The following CABLES1 variants were observed in gnomAD, a reference collection of about 807,000 sequenced individuals.
CABLES1 encodes the protein Cdk5 and Abl enzyme substrate 1, also known as CDK5 and ABL1 enzyme substrate 1.
CABLES1 carries 36 observed loss-of-function variants against 57.8 expected under a neutral mutation model. The observed-to-expected ratio is 0.62, with a 90% CI of 0.48 to 0.82. The LOEUF (loss-of-function observed/expected upper bound fraction) is 0.82. Ranked by LOEUF, CABLES1 falls within the 40% of genes least tolerant of loss-of-function variation. The pLI is 0.00. For missense variants in CABLES1, 767 were observed against 836.6 expected, an observed-to-expected ratio of 0.92 and a Z score of 1.03; for synonymous variants, 374 against 363.0, an observed-to-expected ratio of 1.03 and a Z score of -0.35.
chr18:23,206,458 C>A (rs1182544102), intron 3 of CABLES1, among the ~76,000 whole-genome samples: 1 of 152,242 alleles, frequency 6.6e-6, no homozygotes, highest in Non-Finnish European at 1.5e-5. Flanking sequence ...GTTGTGCTGG[C>A]ATTTAAGGCC....
Position 23,184,781 on chromosome 18 carries a change from G to A in CABLES1, c.846-4057G>A, listed in dbSNP as rs897175241. Among the ~76,000 whole-genome samples, 4 of 152,194 alleles carry A rather than the reference G, an allele frequency of 2.6e-5. No homozygotes were observed. The East Asian group carries it at 5.8e-4, about 22-fold the overall frequency. On this transcript the variant is annotated intron_variant, in intron 1 of 9. Transcript: ENST00000256925. ...AGGCTAGGTCACTATCTGGGTGCGA[G>A]CATGGTTGGGGTCAGATGAGGGCTC...
chr18:23,223,931 T>G (rs1458272890), intron 4 of CABLES1, among the ~76,000 whole-genome samples: 1 of 151,848 alleles, frequency 6.6e-6, no homozygotes, highest in East Asian at 1.9e-4. Flanking sequence ...TTACCAGGGA[T>G]AGATTGCACG....
At position 23,218,026 on chromosome 18, in the gene CABLES1, TG is replaced by T. The variant is rs542099195; in HGVS notation, c.1088+3975del. Among the ~76,000 whole-genome samples the T allele has an allele frequency of 1.5e-3, 222 of 152,334 alleles. 1 individual carries two copies. The highest frequency in any genetic ancestry group is 4.9e-3 in the African/African-American group (205 of 41,582). ...ACTCATGCACATGGACCCAGCCACA[TG>T]GGCCTGATTATTCCAAACAAGCACA... On this transcript the variant is annotated intron_variant, in intron 4 of 9. Coordinates refer to ENST00000256925, the MANE Select transcript of CABLES1 (RefSeq NM_001100619.3).
At chr18:23,229,409 T>C (rs561856208) in intron 4 of CABLES1, among the ~76,000 whole-genome samples, 112 of 151,372 alleles carry the variant, frequency 7.4e-4, no homozygotes, top group African/African-American at 2.5e-3. Context: ...TAAAACTCCA[T>C]CTCAAAAATT....
chr18:23,172,335 A>C (rs1335392151), intron 1 of CABLES1, among the ~76,000 whole-genome samples: 2 of 152,100 alleles, frequency 1.3e-5, no homozygotes, highest in African/African-American at 4.8e-5. Flanking sequence ...GTGGATTCTA[A>C]TCTTTTCTTG....
At chr18:23,196,691 CAGAG>C (rs2047285429) in intron 3 of CABLES1, among the ~76,000 whole-genome samples, 1 of 152,174 alleles carries the variant, frequency 6.6e-6, no homozygotes, top group African/African-American at 2.4e-5. Flanking sequence ...GTCATGGTCT[CAGAG>C]GGAGGGACCC....
At chr18:23,220,608 G>A (rs2047480176) in intron 4 of CABLES1, among the ~76,000 whole-genome samples, 1 of 152,136 alleles carries the variant, frequency 6.6e-6, no homozygotes, top group Non-Finnish European at 1.5e-5. Flanking sequence ...TGCTGGCTCG[G>A]GACCAGTACA....
At chr18:23,154,751 A>G (rs1461254302) in intron 1 of CABLES1, among the ~76,000 whole-genome samples, 1 of 152,202 alleles carries the variant, frequency 6.6e-6, no homozygotes, top group Non-Finnish European at 1.5e-5. Context: ...ACGGAAGCCC[A>G]TCCTCTCCCA....
At chr18:23,213,744 A>G (rs376427144) in intron 3 of CABLES1, among the ~76,000 whole-genome samples, 7 of 152,270 alleles carry the variant, frequency 4.6e-5, no homozygotes, top group African/African-American at 1.7e-4. Flanking sequence ...CTCATTAGTG[A>G]CCCTTGCTGG....
At chr18:23,253,971 C>T (rs1053910923) in intron 9 of CABLES1, 35 bp downstream of exon 9, 4 of 1,565,858 alleles carry the variant, frequency 2.6e-6, no homozygotes, top group African/African-American at 1.4e-5. Flanking sequence ...TGGAGGAGCA[C>T]ATGCTCCGGT....
intron 1 of CABLES1, among the ~76,000 whole-genome samples, chr18:23,151,144 G>A (rs1024687830): frequency 1.3e-5 from 2 of 150,704 alleles, no homozygotes; most frequent in African/African-American, 2.4e-5. Flanking sequence ...TCAGCCTCCC[G>A]AGTAGCTGGG....
intron 1 of CABLES1, among the ~76,000 whole-genome samples, chr18:23,184,571 C>T (rs1298242265): frequency 1.3e-5 from 2 of 151,952 alleles, no homozygotes; most frequent in African/African-American, 4.8e-5. Context: ...GGTGTGGTCG[C>T]GCGCACCTGT....
At chr18:23,172,628 A>G (rs1262683280) in intron 1 of CABLES1, among the ~76,000 whole-genome samples, 3 of 152,220 alleles carry the variant, frequency 2.0e-5, no homozygotes, top group Non-Finnish European at 4.4e-5. Context: ...AAGCTTTGGT[A>G]TAAAGGGTCC....
chr18:23,163,292 G>A (rs2047017621), intron 1 of CABLES1, among the ~76,000 whole-genome samples: 1 of 152,170 alleles, frequency 6.6e-6, no homozygotes, highest in African/African-American at 2.4e-5. Context: ...ACTTGGCTAT[G>A]TGGGATCCTG....
chr18:23,252,898 G>A lies in CABLES1; in HGVS notation c.1447-62G>A. On this transcript the variant is annotated intron_variant, in intron 7 of 9. Transcript: ENST00000256925. ...GAGTTGTAAGTTGGTCGTAGTTGGT[G>A]CATAATTATTACATACGACCCTTGT... The A allele has an allele frequency of 4.5e-6, 5 of 1,118,746 alleles. No individual in the cohort carries two copies. The South Asian group carries it at 5.1e-5, about 11-fold the overall frequency. 69.3% of individuals were successfully genotyped at this position (1,118,746 alleles called of 1,614,324 possible).
Position 23,196,352 on chromosome 18 carries a change from G to GTTT in CABLES1, c.1010+1812_1010+1813insTTT, listed in dbSNP as rs1174491710. On this transcript the variant is annotated intron_variant, in intron 3 of 9. Coordinates refer to ENST00000256925, the MANE Select transcript of CABLES1 (RefSeq NM_001100619.3). ...CGGCGGGTCGTATGCCCAGGTGAGAGCTGGTTTTCTTGTGCAAAGGGCAGA... is the reference window on the plus strand; with the variant it reads ...CGGCGGGTCGTATGCCCAGGTGAGAGTTTCTGGTTTTCTTGTGCAAAGGGCAGA... Among the ~76,000 whole-genome samples, 22 of 152,298 alleles carry GTTT rather than the reference G, an allele frequency of 1.4e-4. No individual in the cohort carries two copies. In the East Asian group the frequency reaches 4.2e-3, roughly 29 times the overall value.
intron 1 of CABLES1, among the ~76,000 whole-genome samples, chr18:23,166,745 G>A (rs762139578): frequency 2.6e-5 from 4 of 152,140 alleles, no homozygotes; most frequent in Non-Finnish European, 5.9e-5. Flanking sequence ...CAAACAGCAT[G>A]TACTATGTTA....
intron 1 of CABLES1, among the ~76,000 whole-genome samples, chr18:23,156,572 G>A (rs2144968613): frequency 6.6e-6 from 1 of 152,316 alleles, no homozygotes; most frequent in East Asian, 1.9e-4. Flanking sequence ...GTTGCTGCAA[G>A]CACTGAATTA....
intron 7 of CABLES1, among the ~76,000 whole-genome samples, chr18:23,248,756 C>A (rs1002297763): frequency 1.1e-4 from 17 of 152,204 alleles, no homozygotes; most frequent in African/African-American, 3.9e-4. Context: ...ACCCAGGAGG[C>A]AGGGTGTGCA....
Sources: allele counts gnomAD v4.1 joint callset (sites outside exome capture counted in the v4.1 genomes callset), GRCh38; gene constraint gnomAD v4.1.1; transcripts MANE v1.5; gene names NCBI Gene and HGNC (gene_info 2026-07-23, HGNC 2026-07-21).